SLC6A11: variants seen among roughly 807,000 people sequenced by gnomAD.
The protein encoded by SLC6A11 is sodium- and chloride-dependent GABA transporter 3.
In SLC6A11, 25 loss-of-function variants were observed where a neutral mutation model predicts 74.8. That is an observed-to-expected ratio of 0.33 (90% confidence interval 0.24 to 0.47). SLC6A11 has a LOEUF of 0.47. Ranked by LOEUF, SLC6A11 falls within the 20% of genes least tolerant of loss-of-function variation. The probability of loss-of-function intolerance (pLI) is 1.00; values close to 1 mark genes in which losing one functional copy is unlikely to be tolerated. For synonymous variants in SLC6A11, 330 were observed against 330.2 expected, an observed-to-expected ratio of 1.00 and a Z score of 0.01; for missense variants, 574 against 837.0, an observed-to-expected ratio of 0.69 and a Z score of 3.88.
intron 4 of SLC6A11, among the ~76,000 whole-genome samples, chr3:10,837,249 A>G (rs1202036524): frequency 6.6e-6 from 1 of 152,214 alleles, no homozygotes; most frequent in African/African-American, 2.4e-5. Flanking sequence ...GAGGAAGTGC[A>G]GGATGTTTGG....
At chr3:10,897,446 G>A (rs1407768877) in intron 6 of SLC6A11, among the ~76,000 whole-genome samples, 1 of 152,192 alleles carries the variant, frequency 6.6e-6, no homozygotes, top group African/African-American at 2.4e-5. Context: ...ACAGGCATTG[G>A]GTAAATACAA....
chr3:10,938,172 T>C, intron 13 of SLC6A11, 78 bp from the exon 14 acceptor site: 1 of 1,370,514 alleles, frequency 7.3e-7, no homozygotes, highest in Non-Finnish European at 9.9e-7. Context: ...GTCCGCCGTG[T>C]GCTTGGGAGA....
intron 5 of SLC6A11, among the ~76,000 whole-genome samples, chr3:10,869,644 C>T (rs960366911): frequency 6.6e-6 from 1 of 152,252 alleles, no homozygotes; most frequent in Non-Finnish European, 1.5e-5. Flanking sequence ...CCAAGTCACA[C>T]GGCAAGCCCA....
At chr3:10,878,292 A>G (rs1334066487) in intron 6 of SLC6A11, among the ~76,000 whole-genome samples, 1 of 150,724 alleles carries the variant, frequency 6.6e-6, no homozygotes, top group Non-Finnish European at 1.5e-5. Context: ...TCCAGTAGAC[A>G]TGGCCTTTCT....
chr3:10,894,511 C>T (rs1053093036), intron 6 of SLC6A11, among the ~76,000 whole-genome samples: 8 of 152,140 alleles, frequency 5.3e-5, no homozygotes, highest in Admixed American at 2.0e-4. Flanking sequence ...ACTGGGAAGA[C>T]GAAAGTGAGC....
At chr3:10,840,539 T>A (rs928440910) in intron 4 of SLC6A11, among the ~76,000 whole-genome samples, 1 of 152,242 alleles carries the variant, frequency 6.6e-6, no homozygotes, top group East Asian at 1.9e-4. Context: ...CTGATGACGC[T>A]TTCGTAAGTA....
In SLC6A11 at chr3:10,816,370, C is replaced by T. The variant is rs751801651; in HGVS notation, c.105C>T (p.Pro35=). The change falls in exon 1 of 14, where the codon CCC becomes CCT. Residue 35 remains proline, a synonymous_variant. Transcript: ENST00000254488. The surrounding 1 kb of genome is among the most constrained non-coding windows in gnomAD (Gnocchi z 4.2). ...GCTGCAGCAGCGGGGGCGCGGCGCC[C>T]GCGCGCCACCCGCGCGTCAAGCGCG... ...GGGCSSGGAA[P]ARHPRVKRDK... is the part of the protein sequence containing the mutation. The T allele has an allele frequency of 6.8e-6, 10 of 1,476,114 alleles. No homozygotes were observed. The highest frequency in any genetic ancestry group is 4.4e-5 in the African/African-American group (3 of 67,822). 91.4% of individuals were successfully genotyped at this position (1,476,114 alleles called of 1,614,324 possible).
chr3:10,874,373 G>T (rs553673555), intron 5 of SLC6A11, among the ~76,000 whole-genome samples: 24 of 152,280 alleles, frequency 1.6e-4, no homozygotes, highest in African/African-American at 5.8e-4. Context: ...GAGAGACCTA[G>T]CCTGTGATGA....
intron 5 of SLC6A11, among the ~76,000 whole-genome samples, chr3:10,861,453 A>G (rs1694702356): frequency 6.6e-6 from 1 of 152,110 alleles, no homozygotes; most frequent in South Asian, 2.1e-4. Flanking sequence ...GGAAGTCAAG[A>G]CTGCAGCAAG....
At chr3:10,835,868 T>G (rs1694359969) in intron 4 of SLC6A11, among the ~76,000 whole-genome samples, 1 of 152,206 alleles carries the variant, frequency 6.6e-6, no homozygotes, top group South Asian at 2.1e-4. Flanking sequence ...CTTCTTAACT[T>G]TTTAGAAAGT....
chr3:10,851,122 C>T (rs1475608103), intron 5 of SLC6A11, among the ~76,000 whole-genome samples: 1 of 152,066 alleles, frequency 6.6e-6, no homozygotes, highest in African/African-American at 2.4e-5. Context: ...CCCTCCCCAG[C>T]TGGCTCCTGT....
At chr3:10,938,184 G>A in intron 13 of SLC6A11, 66 bp from the exon 14 acceptor site, 2 of 1,458,924 alleles carry the variant, frequency 1.4e-6, no homozygotes. Flanking sequence ...CTTGGGAGAG[G>A]CCACGGCAGA....
intron 1 of SLC6A11, among the ~76,000 whole-genome samples, chr3:10,818,882 A>C (rs887016996): frequency 6.6e-6 from 1 of 152,192 alleles, no homozygotes. Flanking sequence ...TTTGCTAGAT[A>C]GATTCTTGTT....
chr3:10,925,032 G>T (rs1695584922), intron 8 of SLC6A11, among the ~76,000 whole-genome samples: 2 of 152,206 alleles, frequency 1.3e-5, no homozygotes, highest in Non-Finnish European at 2.9e-5. Flanking sequence ...TGAATTGATG[G>T]TTGCCCAACG....
chr3:10,936,064 C>T (rs1196499053), intron 13 of SLC6A11, among the ~76,000 whole-genome samples: 1 of 152,156 alleles, frequency 6.6e-6, no homozygotes, highest in African/African-American at 2.4e-5. Context: ...ACTCCCTATT[C>T]ACTCTCCTTC....
intron 6 of SLC6A11, among the ~76,000 whole-genome samples, chr3:10,881,599 C>A (rs1290384248): frequency 6.6e-6 from 1 of 152,192 alleles, no homozygotes; most frequent in Non-Finnish European, 1.5e-5. Flanking sequence ...GCCAGCCTGC[C>A]ATCGTGCTCC....
In SLC6A11 at chr3:10,816,327, C is replaced by A; in HGVS notation, c.62C>A (p.Ser21Tyr). The A allele has an allele frequency of 7.1e-7, 1 of 1,413,454 alleles. No homozygotes were observed. 87.6% of individuals were successfully genotyped at this position (1,413,454 alleles called of 1,614,324 possible). A position where few individuals can be genotyped will look rare whatever the true frequency, so the allele number is the denominator to read the frequency against. ...NGKAAEEARE[S>Y]EAPGGGCSSG... The stretch of plus-strand genomic sequence containing the variant: ...AAGGCTGCTGAGGAGGCGCGGGAGT[C>A]CGAGGCGCCGGGTGGCGGCTGCAGC... Residue 21 changes from serine (S) to tyrosine (Y), a missense_variant, in exon 1 of 14, where the codon TCC (serine) becomes TAC (tyrosine). By Grantham distance (144) the Ser-to-Tyr change is moderately radical. This residue lies in a region of SLC6A11 where 86 missense variants were observed against 87.4 expected (regional missense o/e 0.98). Coordinates refer to ENST00000254488, the MANE Select transcript of SLC6A11 (RefSeq NM_014229.3). The surrounding 1 kb of genome is among the most constrained non-coding windows in gnomAD (Gnocchi z 4.2).
chr3:10,824,618 C>T (rs766141651), intron 4 of SLC6A11: 11 of 152,124 alleles, frequency 7.2e-5, no homozygotes, highest in Non-Finnish European at 1.0e-4. Flanking sequence ...TATTTCTTTG[C>T]TCAATATTGG....
At chr3:10,844,437 G>A in intron 5 of SLC6A11, 91 bp downstream of exon 5, 1 of 1,509,400 alleles carries the variant, frequency 6.6e-7, no homozygotes, top group Non-Finnish European at 9.2e-7. Flanking sequence ...TCATGTTGCA[G>A]AGGCCAGCAC....
Sources: gnomAD v4.1 joint callset for allele counts (sites outside exome capture counted in the v4.1 genomes callset) on GRCh38, gnomAD v4.1.1 for gene constraint, gnomAD v4.1.1 regional missense constraint, Gnocchi (gnomAD v3.1) non-coding constraint, MANE v1.5 for transcripts, NCBI Gene and HGNC (gene_info 2026-07-23, HGNC 2026-07-21) for gene names.